KLF12: variants seen among roughly 807,000 people sequenced by gnomAD.
KLF12 encodes the protein KLF transcription factor 12.
KLF12 carries 9 observed loss-of-function variants against 37.8 expected under a neutral mutation model. The observed-to-expected ratio is 0.24, with a 90% confidence interval of 0.14 to 0.42. KLF12 has a LOEUF of 0.42. KLF12 is among the 10% of genes least tolerant of loss of function. The pLI, the probability that KLF12 is intolerant of heterozygous loss-of-function variation, is 1.00. For missense variants in KLF12, 411 were observed against 516.0 expected, an observed-to-expected ratio of 0.80 and a Z score of 1.97; for synonymous variants, 208 against 202.1, an observed-to-expected ratio of 1.03 and a Z score of -0.25.
chr13:74,104,069 A>G (rs2138885190), intron 1 of KLF12, among the ~76,000 whole-genome samples: 1 of 152,370 alleles, frequency 6.6e-6, no homozygotes, highest in East Asian at 1.9e-4. Flanking sequence ...GTATTAAAAT[A>G]CACACACAAA....
chr13:74,043,137 C>T (rs1893452666), intron 1 of KLF12, among the ~76,000 whole-genome samples: 1 of 152,182 alleles, frequency 6.6e-6, no homozygotes, highest in African/African-American at 2.4e-5. Flanking sequence ...CTGTAAATTT[C>T]AAAGGCTGAA....
chr13:73,781,574 A>T (rs1229245859), intron 5 of KLF12, among the ~76,000 whole-genome samples: 1 of 152,216 alleles, frequency 6.6e-6, no homozygotes, highest in Non-Finnish European at 1.5e-5. Flanking sequence ...AGTTTGCTTA[A>T]ATTTGTAGTC....
the KLF12 span, among the ~76,000 whole-genome samples, chr13:74,276,998 T>C: frequency 6.6e-6 from 1 of 152,208 alleles, no homozygotes; most frequent in Non-Finnish European, 1.5e-5. Flanking sequence ...GGCAGTGCCC[T>C]TGATGGGCCT....
chr13:74,215,706 C>A, the KLF12 span, among the ~76,000 whole-genome samples: 2 of 152,132 alleles, frequency 1.3e-5, no homozygotes, highest in South Asian at 4.1e-4. Context: ...TTCGCTGCAC[C>A]AGAGATTTTC....
At chr13:73,897,502 C>T (rs1887842188) in intron 3 of KLF12, among the ~76,000 whole-genome samples, 1 of 152,126 alleles carries the variant, frequency 6.6e-6, no homozygotes, top group Non-Finnish European at 1.5e-5. Flanking sequence ...CCAGTATAGA[C>T]CAATACCAAA....
intron 1 of KLF12, among the ~76,000 whole-genome samples, chr13:74,119,839 A>G (rs972259877): frequency 2.0e-5 from 3 of 152,158 alleles, no homozygotes; most frequent in Non-Finnish European, 4.4e-5. Flanking sequence ...AAAACAATAA[A>G]GCAGCTTAGA....
chr13:73,958,846 T>C (rs915137456), intron 2 of KLF12, among the ~76,000 whole-genome samples: 2 of 151,138 alleles, frequency 1.3e-5, no homozygotes, highest in Admixed American at 6.6e-5. Context: ...TAAAAGTCCT[T>C]AGCGTATGAG....
At chr13:74,267,869 A>G in the KLF12 span, among the ~76,000 whole-genome samples, 6,122 of 152,154 alleles carry the variant, frequency 0.04, 389 homozygotes, top group African/African-American at 0.14. Flanking sequence ...ATTATGATTA[A>G]TTTTTTAAAA....
chr13:74,230,812 T>A, the KLF12 span, among the ~76,000 whole-genome samples: 1 of 152,198 alleles, frequency 6.6e-6, no homozygotes, highest in East Asian at 1.9e-4. Flanking sequence ...TGCTTCCATC[T>A]CCTGTTGACC....
chr13:73,848,237 A>G (rs1266295457), intron 3 of KLF12, among the ~76,000 whole-genome samples: 1 of 152,194 alleles, frequency 6.6e-6, no homozygotes, highest in Non-Finnish European at 1.5e-5. Flanking sequence ...ATCAAGGAGT[A>G]AAGAGTACAT....
At chr13:74,263,934 T>C in the KLF12 span, among the ~76,000 whole-genome samples, 1 of 152,202 alleles carries the variant, frequency 6.6e-6, no homozygotes, top group Admixed American at 6.5e-5. Context: ...GGTTTGTTTT[T>C]TTTCTAGGCA....
At chr13:73,746,191 AAG>A (rs1878360619) in intron 6 of KLF12, among the ~76,000 whole-genome samples, 1 of 152,214 alleles carries the variant, frequency 6.6e-6, no homozygotes, top group African/African-American at 2.4e-5. Context: ...AAAACACACT[AAG>A]AGAAGTATTA....
intron 5 of KLF12, among the ~76,000 whole-genome samples, chr13:73,795,982 A>G (rs1361580093): frequency 6.6e-6 from 1 of 152,222 alleles, no homozygotes; most frequent in Non-Finnish European, 1.5e-5. Context: ...CTGGGCTTTT[A>G]ATAAGTATAT....
intron 2 of KLF12, among the ~76,000 whole-genome samples, chr13:73,970,764 C>A (rs1891310524): frequency 6.6e-6 from 1 of 152,154 alleles, no homozygotes; most frequent in Non-Finnish European, 1.5e-5. Flanking sequence ...CACATACTGG[C>A]AGCTGAATCA....
At chr13:73,995,398 A>G (rs1892082869) in intron 1 of KLF12, among the ~76,000 whole-genome samples, 2 of 152,156 alleles carry the variant, frequency 1.3e-5, no homozygotes, top group Non-Finnish European at 2.9e-5. Flanking sequence ...CAAGTAAAAA[A>G]AAGGTTTATA....
At chr13:74,209,883 A>G in the KLF12 span, among the ~76,000 whole-genome samples, 1 of 152,206 alleles carries the variant, frequency 6.6e-6, no homozygotes, top group African/African-American at 2.4e-5. Context: ...AAACCAGAAG[A>G]AAAGAGATAA....
At chr13:74,171,303 G>A in the KLF12 span, among the ~76,000 whole-genome samples, 1 of 152,084 alleles carries the variant, frequency 6.6e-6, no homozygotes, top group Admixed American at 6.6e-5. Flanking sequence ...TCTTCTTGAG[G>A]GTCCTTAAGC....
At chr13:73,859,280 G>A (rs868591533) in intron 3 of KLF12, among the ~76,000 whole-genome samples, 3 of 152,114 alleles carry the variant, frequency 2.0e-5, no homozygotes, top group Non-Finnish European at 4.4e-5. Context: ...TTTCTCTTCC[G>A]GTAAAGTTTT....
chr13:73,899,416 G>A (rs1887936043), intron 3 of KLF12, among the ~76,000 whole-genome samples: 1 of 152,176 alleles, frequency 6.6e-6, no homozygotes, highest in African/African-American at 2.4e-5. Flanking sequence ...CCCAAGATGA[G>A]AAACAGAAAG....
Sources: gnomAD v4.1 joint callset for allele counts (sites outside exome capture counted in the v4.1 genomes callset) on GRCh38, gnomAD v4.1.1 for gene constraint, MANE v1.5 for transcripts, NCBI Gene and HGNC (gene_info 2026-07-23, HGNC 2026-07-21) for gene names.